TMEM266: variants seen among roughly 807,000 people sequenced by gnomAD.
TMEM266 encodes Hv1 related protein 1.
In TMEM266, 33 loss-of-function variants were observed where a neutral mutation model predicts 50.5. The observed-to-expected ratio is 0.65, with a 90% CI of 0.50 to 0.87. TMEM266 has a LOEUF of 0.87. TMEM266 is among the 40% of genes least tolerant of loss of function. The probability of loss-of-function intolerance (pLI) is 0.00; values close to 1 mark genes in which losing one functional copy is unlikely to be tolerated. For synonymous variants in TMEM266, 310 were observed against 292.3 expected (o/e 1.06, Z -0.62); for missense variants, 655 against 695.1 (o/e 0.94, Z 0.65).
intron 8 of TMEM266, among the ~76,000 whole-genome samples, chr15:76,186,003 C>A (rs1329569986): frequency 6.6e-6 from 1 of 152,214 alleles, no homozygotes; most frequent in Non-Finnish European, 1.5e-5. Flanking sequence ...AGCCTCCAGC[C>A]CCTGCTTTTC....
At chr15:76,118,066 G>C (rs1048381456) in intron 1 of TMEM266, among the ~76,000 whole-genome samples, 7 of 152,204 alleles carry the variant, frequency 4.6e-5, no homozygotes, top group African/African-American at 1.4e-4. Flanking sequence ...CCTTGCCACT[G>C]ACCAGATACA....
chr15:76,195,803 G>C (rs1222551543), intron 9 of TMEM266, among the ~76,000 whole-genome samples: 1 of 152,246 alleles, frequency 6.6e-6, no homozygotes, highest in Non-Finnish European at 1.5e-5. Context: ...TGACCTATAA[G>C]ACCCTGAACG....
At chr15:76,203,619 G>C (rs2142094254) in intron 10 of TMEM266, 122 bp from the exon 11 acceptor site, 2 of 892,070 alleles carry the variant, frequency 2.2e-6, no homozygotes, top group South Asian at 3.2e-5. Context: ...CTTCCACAAA[G>C]GCACGGTCTC....
chr15:76,063,907 C>T (rs373819258), intron 1 of TMEM266, among the ~76,000 whole-genome samples: 3 of 152,176 alleles, frequency 2.0e-5, no homozygotes, highest in South Asian at 2.1e-4. Flanking sequence ...AGAGAAGAAT[C>T]GGGAAAGATC....
chr15:76,074,021 G>C (rs751450754), intron 1 of TMEM266, among the ~76,000 whole-genome samples: 1 of 151,504 alleles, frequency 6.6e-6, no homozygotes, highest in Non-Finnish European at 1.5e-5. Context: ...GCCACACTGG[G>C]TATAAGTTTT....
intron 1 of TMEM266, among the ~76,000 whole-genome samples, chr15:76,108,460 G>C (rs1261421520): frequency 6.6e-6 from 1 of 152,196 alleles, no homozygotes; most frequent in Non-Finnish European, 1.5e-5. Context: ...AAATCTCCTG[G>C]GGATCCTGTT....
At chr15:76,081,658 C>T (rs1206394869) in intron 1 of TMEM266, among the ~76,000 whole-genome samples, 1 of 152,218 alleles carries the variant, frequency 6.6e-6, no homozygotes, top group Non-Finnish European at 1.5e-5. Flanking sequence ...CCTTCCTGAA[C>T]CTGAGTGTCC....
intron 8 of TMEM266, among the ~76,000 whole-genome samples, chr15:76,179,045 A>T (rs2038349930): frequency 6.6e-6 from 1 of 152,136 alleles, no homozygotes; most frequent in Admixed American, 6.5e-5. Context: ...TGGGTAACAG[A>T]TACCCTGGAG....
intron 1 of TMEM266, among the ~76,000 whole-genome samples, chr15:76,109,866 C>G (rs1458466323): frequency 6.6e-6 from 1 of 152,020 alleles, no homozygotes; most frequent in Non-Finnish European, 1.5e-5. Context: ...CACTGTTTTA[C>G]CCAGGCTGGT....
intron 1 of TMEM266, among the ~76,000 whole-genome samples, chr15:76,129,209 A>G (rs1368847801): frequency 6.6e-6 from 1 of 152,248 alleles, no homozygotes; most frequent in Admixed American, 6.5e-5. Flanking sequence ...AAGAGGGACA[A>G]GAAGACAATA....
At chr15:76,125,876 G>A (rs1356338166) in intron 1 of TMEM266, among the ~76,000 whole-genome samples, 1 of 151,238 alleles carries the variant, frequency 6.6e-6, no homozygotes, top group African/African-American at 2.4e-5. Context: ...GCAGTGGGGG[G>A]GATGGGGATG....
chr15:76,096,932 AT>A lies in TMEM266; in HGVS notation c.-97+36933del, dbSNP rs61532742. 5.8e-3 allele frequency among the ~76,000 whole-genome samples: 734 copies of A among 125,842 alleles called. 5 individuals carry two copies. The highest frequency in any genetic ancestry group is 0.013 in the African/African-American group (447 of 33,910). 82.6% of individuals were successfully genotyped at this position (125,842 alleles called of 152,430 possible). ...ATCAGAGATTAGGATGCAACTCCTG[AT>A]TTTTTTTTTTTTTTTTGCTTTCCAT... On this transcript the variant is annotated intron_variant, in intron 1 of 10. Transcript: ENST00000388942.
intron 1 of TMEM266, among the ~76,000 whole-genome samples, chr15:76,089,491 C>T (rs2036820766): frequency 6.6e-6 from 1 of 152,040 alleles, no homozygotes; most frequent in Admixed American, 6.6e-5. Flanking sequence ...CCGCGCCCAG[C>T]CCAGAAGTTT....
At chr15:76,099,017 C>T (rs992164507) in intron 1 of TMEM266, among the ~76,000 whole-genome samples, 1 of 152,176 alleles carries the variant, frequency 6.6e-6, no homozygotes, top group Non-Finnish European at 1.5e-5. Context: ...TTGCTGGGCT[C>T]CATGGTGGTG....
At chr15:76,082,575 A>G (rs957275685) in intron 1 of TMEM266, among the ~76,000 whole-genome samples, 1 of 152,136 alleles carries the variant, frequency 6.6e-6, no homozygotes, top group Non-Finnish European at 1.5e-5. Flanking sequence ...ATCAGTTAAC[A>G]CCTCTGATAG....
At chr15:76,194,463 C>T (rs879665437) in intron 9 of TMEM266, among the ~76,000 whole-genome samples, 16 of 152,240 alleles carry the variant, frequency 1.1e-4, no homozygotes, top group Admixed American at 3.9e-4. Flanking sequence ...TTCCCTGTGT[C>T]CCTCAGGAGA....
In TMEM266 at chr15:76,204,349, C is replaced by G. The variant is rs757605492; in HGVS notation, c.*34C>G. The G allele has an allele frequency of 6.5e-7, 1 of 1,549,400 alleles. No individual in the cohort carries two copies. The highest frequency in any genetic ancestry group is 1.2e-5 in the South Asian group (1 of 82,424). On this transcript the variant is annotated 3_prime_UTR_variant, in exon 11 of 11. Transcript: ENST00000388942. Reference sequence around the variant, plus strand: ...ATGGGCTGGGTGAGATGAGGGGAGACAGCCATCTCAAAGCTCTCCTGGGAC... The same window carrying G: ...ATGGGCTGGGTGAGATGAGGGGAGAGAGCCATCTCAAAGCTCTCCTGGGAC...
At chr15:76,176,380 A>C (rs1341860580) in intron 8 of TMEM266, 1 of 152,664 alleles carries the variant, frequency 6.6e-6, no homozygotes, top group African/African-American at 2.4e-5. Flanking sequence ...GGATTGGGGT[A>C]CTCAGGAGGG....
intron 1 of TMEM266, among the ~76,000 whole-genome samples, chr15:76,132,418 A>G (rs2037523563): frequency 6.6e-6 from 1 of 152,056 alleles, no homozygotes; most frequent in African/African-American, 2.4e-5. Context: ...CTACCAATCC[A>G]GTTTTTAAGA....
Sources: allele counts gnomAD v4.1 joint callset (sites outside exome capture counted in the v4.1 genomes callset), GRCh38; gene constraint gnomAD v4.1.1; transcripts MANE v1.5; gene names NCBI Gene and HGNC (gene_info 2026-07-23, HGNC 2026-07-21).